GALNT10: variants seen among roughly 807,000 people sequenced by gnomAD.
GALNT10 encodes the protein polypeptide N-acetylgalactosaminyltransferase 10.
A neutral mutation model predicts 75.0 loss-of-function variants in GALNT10; 41 were observed. The ratio of observed to expected loss-of-function variants is 0.55; its 90% confidence interval spans 0.43 to 0.71. GALNT10 has a LOEUF of 0.71. GALNT10 is among the 30% of genes least tolerant of loss of function. GALNT10 has a pLI of 0.00. For synonymous variants in GALNT10, 302 were observed against 313.0 expected, an observed-to-expected ratio of 0.96 and a Z score of 0.37; for missense variants, 727 against 818.5, an observed-to-expected ratio of 0.89 and a Z score of 1.36.
intron 9 of GALNT10, among the ~76,000 whole-genome samples, chr5:154,411,164 A>G (rs1230547670): frequency 6.6e-6 from 1 of 152,002 alleles, no homozygotes; most frequent in East Asian, 1.9e-4. Flanking sequence ...AAATGGGGGG[A>G]ATATATTGTG....
chr5:154,191,363 C>T (rs954043281), intron 1 of GALNT10, among the ~76,000 whole-genome samples: 22 of 152,044 alleles, frequency 1.4e-4, no homozygotes, highest in African/African-American at 5.3e-4. Flanking sequence ...ATGACTCCTG[C>T]CTTGTGCCAA....
At chr5:154,355,640 T>C (rs1581989590) in intron 4 of GALNT10, among the ~76,000 whole-genome samples, 1 of 150,950 alleles carries the variant, frequency 6.6e-6, no homozygotes, top group Admixed American at 6.6e-5. Context: ...TTTTTTGGTA[T>C]CCTATTTATG....
intron 1 of GALNT10, among the ~76,000 whole-genome samples, chr5:154,219,836 T>TCACACA (rs1192106045): frequency 4.4e-4 from 59 of 134,296 alleles, no homozygotes; most frequent in African/African-American, 1.2e-3. Context: ...TCTCTCTCTC[T>TCACACA]CTCACACACA....
chr5:154,360,901 G>A (rs1581992093), intron 4 of GALNT10, among the ~76,000 whole-genome samples: 1 of 152,280 alleles, frequency 6.6e-6, no homozygotes, highest in Middle Eastern at 3.4e-3. Flanking sequence ...GGAGATTTGT[G>A]TCTTAATCCT....
rs1474458086 is a variant in GALNT10, at chr5:154,298,940, A to T, written c.401+861A>T. 6.6e-6 allele frequency among the ~76,000 whole-genome samples: 1 copy of T among 152,140 alleles called. No individual in the cohort carries two copies. The highest frequency in any genetic ancestry group is 1.9e-4 in the East Asian group (1 of 5,200). ...TCCATTTCAAATAGGCTCCCTGGGG[A>T]TGCTGGCGCTGCTTATCTTGGGACC... is the stretch of plus-strand genomic sequence containing the variant. On this transcript the variant is annotated intron_variant, in intron 3 of 11. Coordinates refer to ENST00000297107, the MANE Select transcript of GALNT10 (RefSeq NM_198321.4). The surrounding 1 kb of genome is among the most constrained non-coding windows in gnomAD (Gnocchi z 4.1).
intron 4 of GALNT10, among the ~76,000 whole-genome samples, chr5:154,358,986 GT>G (rs1755341373): frequency 6.6e-6 from 1 of 152,188 alleles, no homozygotes; most frequent in Non-Finnish European, 1.5e-5. Context: ...GCCTGTGTGT[GT>G]ATGAGCCTTT....
intron 1 of GALNT10, among the ~76,000 whole-genome samples, chr5:154,259,874 A>T (rs1354380313): frequency 6.6e-6 from 1 of 152,226 alleles, no homozygotes; most frequent in Non-Finnish European, 1.5e-5. Context: ...ATCAGCAAAC[A>T]TGTATTTAGC....
intron 1 of GALNT10, among the ~76,000 whole-genome samples, chr5:154,267,372 G>A (rs1422965163): frequency 6.6e-6 from 1 of 152,194 alleles, no homozygotes; most frequent in Non-Finnish European, 1.5e-5. Flanking sequence ...ACCCAGACAT[G>A]CCTCTTGAAT....
intron 1 of GALNT10, among the ~76,000 whole-genome samples, chr5:154,267,658 T>A (rs1397312409): frequency 2.0e-5 from 3 of 152,214 alleles, no homozygotes; most frequent in Non-Finnish European, 2.9e-5. Context: ...CACCTTTTCC[T>A]TGCCAACATA....
chr5:154,340,185 C>T (rs1755011870), intron 4 of GALNT10, among the ~76,000 whole-genome samples: 1 of 152,346 alleles, frequency 6.6e-6, no homozygotes, highest in South Asian at 2.1e-4. Context: ...TTCACATTCT[C>T]AAGCTCAGTA....
At chr5:154,256,361 T>C (rs1476454202) in intron 1 of GALNT10, among the ~76,000 whole-genome samples, 1 of 143,198 alleles carries the variant, frequency 7.0e-6, no homozygotes, top group African/African-American at 2.5e-5. Context: ...TTGTTTTTTT[T>C]TTTTTAATAT....
intron 6 of GALNT10, among the ~76,000 whole-genome samples, chr5:154,383,758 A>C (rs536445804): frequency 6.6e-6 from 1 of 152,348 alleles, no homozygotes; most frequent in African/African-American, 2.4e-5. Flanking sequence ...GCCAAAAAAA[A>C]CCAGGACCCC....
chr5:154,408,598 C>G (rs934530689), intron 8 of GALNT10, among the ~76,000 whole-genome samples: 2 of 151,976 alleles, frequency 1.3e-5, no homozygotes, highest in Admixed American at 1.3e-4. Context: ...CTCACAAACA[C>G]TTTCCTCACC....
chr5:154,309,226 A>AG lies in GALNT10; in HGVS notation c.401+11149dup, dbSNP rs1561657103. Among the ~76,000 whole-genome samples, 3 of 152,240 alleles carry AG rather than the reference A, an allele frequency of 2.0e-5. No homozygotes were observed. The South Asian group carries it at 6.2e-4, about 32-fold the overall frequency. ...CAGGCAGAGGAAACAGCAAATGCAAAGGCCCTGAGACCACTGTGCCTGGCT... is the reference window on the plus strand; with the variant it reads ...CAGGCAGAGGAAACAGCAAATGCAAAGGGCCCTGAGACCACTGTGCCTGGCT... On this transcript the variant is annotated intron_variant, in intron 3 of 11. Coordinates refer to ENST00000297107, the MANE Select transcript of GALNT10 (RefSeq NM_198321.4).
intron 2 of GALNT10, among the ~76,000 whole-genome samples, chr5:154,296,774 C>A (rs1175780858): frequency 6.6e-6 from 1 of 152,190 alleles, no homozygotes; most frequent in East Asian, 1.9e-4. Context: ...TCTGAAGCTT[C>A]CCTCCCTGAG....
At chr5:154,270,783 C>T (rs935835645) in intron 1 of GALNT10, among the ~76,000 whole-genome samples, 7 of 152,042 alleles carry the variant, frequency 4.6e-5, no homozygotes, top group Non-Finnish European at 1.0e-4. Flanking sequence ...CATCTGAGGT[C>T]AGGCATTCAA....
chr5:154,331,605 A>G (rs1463819661), intron 4 of GALNT10, among the ~76,000 whole-genome samples: 1 of 152,190 alleles, frequency 6.6e-6, no homozygotes, highest in Non-Finnish European at 1.5e-5. Flanking sequence ...AACATTAAAG[A>G]TAGACATCTG....
chr5:154,199,578 G>C (rs1294872850), intron 1 of GALNT10, among the ~76,000 whole-genome samples: 7 of 152,176 alleles, frequency 4.6e-5, no homozygotes, highest in Non-Finnish European at 8.8e-5. Flanking sequence ...AGGATTGGCT[G>C]GGGCGGTAGA....
At chr5:154,372,488 CA>C (rs1440921400) in intron 4 of GALNT10, among the ~76,000 whole-genome samples, 3 of 152,154 alleles carry the variant, frequency 2.0e-5, no homozygotes, top group Non-Finnish European at 2.9e-5. Flanking sequence ...GATCCTGGGA[CA>C]GTGCAAATAG....
Sources: gnomAD v4.1 joint callset for allele counts (sites outside exome capture counted in the v4.1 genomes callset) on GRCh38, gnomAD v4.1.1 for gene constraint, Gnocchi (gnomAD v3.1) non-coding constraint, MANE v1.5 for transcripts, NCBI Gene and HGNC (gene_info 2026-07-23, HGNC 2026-07-21) for gene names.